Variants in SRP14 observed in about 807,000 individuals in gnomAD.
SRP14 encodes signal recognition particle 14.
Under a neutral mutation model 16.0 loss-of-function variants are expected in SRP14, and 1 was observed. The observed-to-expected ratio is 0.06, with a 90% CI of 0.02 to 0.30. The LOEUF is 0.30. Among genes scored for constraint, SRP14 ranks in the 10% least tolerant of loss-of-function variants. The pLI is 1.00. For missense variants in SRP14, 120 were observed against 163.1 expected (o/e 0.74, Z 1.44); for synonymous variants, 67 against 60.1 (o/e 1.12, Z -0.53).
At chr15:40,038,825 C>T (rs768740680) in intron 2 of SRP14, 51 bp downstream of exon 2, 3 of 1,594,632 alleles carry the variant, frequency 1.9e-6, no homozygotes. Context: ...CGGTGGCTCC[C>T]AGACACCGGG....
chr15:40,036,922 A>C, intron 4 of SRP14, 64 bp downstream of exon 4: 1 of 1,549,296 alleles, frequency 6.5e-7, no homozygotes. Context: ...AATCTTACCC[A>C]GTGTTCACTA....
chr15:40,037,142 A>G (rs532761020), intron 3 of SRP14, 124 bp from the exon 4 acceptor site: 6 of 1,283,536 alleles, frequency 4.7e-6, no homozygotes, highest in Admixed American at 5.5e-5. Context: ...CTTCTCCCCA[A>G]CTTCAGGGTT....
chr15:40,035,813 A>G lies in SRP14; in HGVS notation c.*520T>C, dbSNP rs1472474385. 1 of 153,124 alleles carries G rather than the reference A, an allele frequency of 6.5e-6. No individual in the cohort carries two copies. The highest frequency in any genetic ancestry group is 1.9e-4 in the East Asian group (1 of 5,220). The allele number at this position is 153,124 out of a possible 1,614,324, so 9.5% of individuals were successfully genotyped here. A position where few individuals can be genotyped will look rare whatever the true frequency, so the allele number is the denominator to read the frequency against. On this transcript the variant is annotated 3_prime_UTR_variant, in exon 5 of 5. Transcript: ENST00000267884. ...AGGTGGTTAAACAAACTCTCATTTG[A>G]CTGTGAGAACTCATCGAAACTGGGG...
At chr15:40,038,770 G>GCC (rs2035671781) in intron 2 of SRP14, 106 bp downstream of exon 2, 1 of 1,222,324 alleles carries the variant, frequency 8.2e-7, no homozygotes, top group African/African-American at 1.5e-5. Context: ...TCAGTACAGG[G>GCC]TGGGGAAAGG....
chr15:40,038,711 A>G (rs2035670500), intron 2 of SRP14, 165 bp downstream of exon 2: 1 of 730,758 alleles, frequency 1.4e-6, no homozygotes, highest in Non-Finnish European at 2.2e-6. Context: ...CTGGGGACTG[A>G]GCCAGCTACA....
intron 3 of SRP14, chr15:40,037,331 T>A (rs1361263923): frequency 7.8e-7 from 1 of 1,288,540 alleles, no homozygotes; most frequent in African/African-American, 1.6e-5. Context: ...CTTAGAAAGG[T>A]GGCATTGGGT....
At chr15:40,037,925 G>A (rs138897403) in intron 3 of SRP14, among the ~76,000 whole-genome samples, 26 of 152,222 alleles carry the variant, frequency 1.7e-4, no homozygotes, top group Non-Finnish European at 3.7e-4. Context: ...GAACCACAAA[G>A]ATAAGGAAAT....
chr15:40,037,220 G>C, intron 3 of SRP14: 2 of 1,207,628 alleles, frequency 1.7e-6, no homozygotes, highest in African/African-American at 1.7e-5. Flanking sequence ...AAGGAGCTCT[G>C]CATCTTTTTC....
intron 1 of SRP14, 69 bp downstream of exon 1, chr15:40,039,024 G>C (rs2035677321): frequency 1.2e-6 from 2 of 1,605,890 alleles, no homozygotes; most frequent in Middle Eastern, 1.7e-4. Flanking sequence ...TGGTCCTCCT[G>C]CAGGAGGCAC....
intron 3 of SRP14, chr15:40,037,294 A>AAAAAAAAAAATTG: frequency 7.4e-7 from 1 of 1,352,536 alleles, no homozygotes; most frequent in Non-Finnish European, 9.5e-7. Context: ...AAAAAAAAAA[A>AAAAAAAAAAATTG]GCTTTGTTTC....
At chr15:40,038,200 A>T in intron 3 of SRP14, 82 bp downstream of exon 3, 1 of 1,151,888 alleles carries the variant, frequency 8.7e-7, no homozygotes, top group Non-Finnish European at 1.3e-6. Flanking sequence ...AAAACAAATA[A>T]AAGCCTGGTT....
At chr15:40,038,813 T>C (rs778068749) in intron 2 of SRP14, 63 bp downstream of exon 2, 47 of 1,566,032 alleles carry the variant, frequency 3.0e-5, no homozygotes, top group Non-Finnish European at 4.1e-5. Context: ...GCAGACAGAC[T>C]CCGGTGGCTC....
chr15:40,036,435 A>T lies in SRP14; in HGVS notation c.309T>A (p.Thr103=). ...GLKKRDKKNK[T]KKTKAAAAAA... ...CTGCTGCTGCTGCTTTGGTCTTCTT[A>T]GTTTTGTTCTTTTTGTCTCTCTTCT... The change falls in exon 5 of 5, where the codon ACT becomes ACA. Residue 103 remains threonine (T), a synonymous_variant. Coordinates refer to ENST00000267884, the MANE Select transcript of SRP14 (RefSeq NM_003134.6). The T allele has an allele frequency of 6.2e-7, 1 of 1,613,966 alleles. No individual in the cohort carries two copies. The highest frequency in any genetic ancestry group is 1.1e-5 in the South Asian group (1 of 91,072).
At position 40,039,138 on chromosome 15, in the gene SRP14, C is replaced by T; in HGVS notation, c.-22G>A. The T allele has an allele frequency of 9.3e-6, 15 of 1,607,614 alleles. No homozygotes were observed. Among genetic ancestry groups the T allele is most frequent in the Non-Finnish European group, 1.1e-5 (13 of 1,178,136 alleles). ...CCATCGCGGCGACGCTGGCTCGACT[C>T]CCTCCGCTTAAGCCCCTAGCAGTGA... On this transcript the variant is annotated 5_prime_UTR_variant, in exon 1 of 5. Transcript: ENST00000267884.
intron 3 of SRP14, 37 bp from the exon 4 acceptor site, chr15:40,037,055 C>G: frequency 6.2e-7 from 1 of 1,607,800 alleles, no homozygotes; most frequent in South Asian, 1.1e-5. Flanking sequence ...TACCTATTAT[C>G]CATATAAGCA....
Position 40,036,233 on chromosome 15 carries a change from A to G in SRP14, c.*100T>C. The G allele has an allele frequency of 1.3e-6, 2 of 1,557,128 alleles. No individual in the cohort carries two copies. The highest frequency in any genetic ancestry group is 2.4e-5 in the South Asian group (2 of 82,168). On this transcript the variant is annotated 3_prime_UTR_variant, in exon 5 of 5. Coordinates refer to ENST00000267884, the MANE Select transcript of SRP14 (RefSeq NM_003134.6). Reference sequence around the variant, plus strand: ...TCCAAAAGGACCCTAATCTTATGTGAAAACACCTACTGTGGGGGAACCAGA... The same window carrying G: ...TCCAAAAGGACCCTAATCTTATGTGGAAACACCTACTGTGGGGGAACCAGA...
At chr15:40,036,638 G>A (rs2035628234) in intron 4 of SRP14, 138 bp from the exon 5 acceptor site, 3 of 845,544 alleles carry the variant, frequency 3.5e-6, no homozygotes, top group Non-Finnish European at 5.6e-6. Context: ...ACCGGAAAAT[G>A]GTATAAGCAT....
chr15:40,036,883 AT>A (rs1440434634), intron 4 of SRP14, 102 bp downstream of exon 4: 1 of 1,316,124 alleles, frequency 7.6e-7, no homozygotes, highest in African/African-American at 1.5e-5. Context: ...GGTAAAACTT[AT>A]CTCCGGAGAG....
intron 3 of SRP14, among the ~76,000 whole-genome samples, chr15:40,037,682 A>G: frequency 4.3e-5 from 1 of 23,134 alleles, no homozygotes; most frequent in Admixed American, 3.2e-4. Context: ...GTTTTACTGT[A>G]GAAGTCCTCT....
Sources: gnomAD v4.1 joint callset for allele counts (sites outside exome capture counted in the v4.1 genomes callset) on GRCh38, gnomAD v4.1.1 for gene constraint, MANE v1.5 for transcripts, NCBI Gene and HGNC (gene_info 2026-07-23, HGNC 2026-07-21) for gene names.